SZT2: variants seen among roughly 807,000 people sequenced by gnomAD.
SZT2 encodes the protein SZT2 subunit of KICSTOR complex, also known as KICSTOR complex protein SZT2.
Under a neutral mutation model 404.2 loss-of-function variants are expected in SZT2, and 216 were observed. That is an observed-to-expected ratio of 0.53 (90% CI 0.48 to 0.60). SZT2 has a LOEUF of 0.60. SZT2 is among the 20% of genes least tolerant of loss of function. The pLI is 0.00. For missense variants in SZT2, 3,857 were observed against 4,459.2 expected (o/e 0.86, Z 3.85); for synonymous variants, 1,693 against 1,749.9 (o/e 0.97, Z 0.81).
At chr1:43,438,460 A>C (rs912281694) in intron 46 of SZT2, among the ~76,000 whole-genome samples, 1 of 152,216 alleles carries the variant, frequency 6.6e-6, no homozygotes, top group Non-Finnish European at 1.5e-5. Flanking sequence ...CGATGCTATT[A>C]TAATTCTCAT....
chr1:43,419,811 A>G lies in SZT2; in HGVS notation c.957A>G (p.Ala319=). 1.3e-6 allele frequency: 2 copies of G among 1,598,438 alleles called. No individual in the cohort carries two copies. The highest frequency in any genetic ancestry group is 1.7e-6 in the Non-Finnish European group (2 of 1,179,804). ...NVELMKFIAM[A]TFGSYLSTCP... is the part of the protein sequence containing the mutation. ...AATTAATGAAGTTCATCGCAATGGC[A>G]ACATTTGGGTCCTACCTGTCCACTT... is the stretch of plus-strand genomic sequence containing the variant. The change falls in exon 8 of 72, where the codon GCA becomes GCG. Residue 319 remains alanine, a synonymous_variant. Transcript: ENST00000634258.
At position 43,427,999 on chromosome 1, in the gene SZT2, C is replaced by G. The variant is rs371920743; in HGVS notation, c.3804-4C>G. On this transcript the variant is annotated splice_polypyrimidine_tract_variant and splice_region_variant and intron_variant, in intron 26 of 71. Coordinates refer to ENST00000634258, the MANE Select transcript of SZT2 (RefSeq NM_001365999.1). ...TCAAGTTCCATTTTCCCTTCGTTTCCTAGGACTCAGTTCCTCGACCACCCC... is the reference window on the plus strand; with the variant it reads ...TCAAGTTCCATTTTCCCTTCGTTTCGTAGGACTCAGTTCCTCGACCACCCC... 2 of 1,612,918 alleles carry G rather than the reference C, an allele frequency of 1.2e-6. No individual in the cohort carries two copies. The highest frequency in any genetic ancestry group is 2.7e-5 in the African/African-American group (2 of 74,866).
At chr1:43,402,547 CAT>C (rs1383473618) in intron 1 of SZT2, among the ~76,000 whole-genome samples, 2 of 152,104 alleles carry the variant, frequency 1.3e-5, no homozygotes, top group Non-Finnish European at 2.9e-5. Flanking sequence ...TTTGACAGGA[CAT>C]GTGTAGTGGA....
chr1:43,422,229 G>A lies in SZT2; in HGVS notation c.1769+4G>A. On this transcript the variant is annotated splice_donor_region_variant and intron_variant, in intron 12 of 71. Transcript: ENST00000634258. Reference sequence around the variant, plus strand: ...TGCTAATCCTGGAGCATGACACGTGGGTGCCCTTAGGGCTGGGCCATAGTT... The same window carrying A: ...TGCTAATCCTGGAGCATGACACGTGAGTGCCCTTAGGGCTGGGCCATAGTT... The A allele has an allele frequency of 6.3e-7, 1 of 1,577,914 alleles. No homozygotes were observed. The highest frequency in any genetic ancestry group is 1.1e-5 in the South Asian group (1 of 89,498).
At chr1:43,399,768 G>A (rs551724792) in intron 1 of SZT2, among the ~76,000 whole-genome samples, 5 of 151,652 alleles carry the variant, frequency 3.3e-5, no homozygotes, top group Non-Finnish European at 5.9e-5. Context: ...GCCACCAGAG[G>A]GAATTTTTTT....
In SZT2 at chr1:43,430,522, A is replaced by C; in HGVS notation, c.4507A>C (p.Thr1503Pro). 1.2e-6 allele frequency: 2 copies of C among 1,614,200 alleles called. No individual in the cohort carries two copies. The highest frequency in any genetic ancestry group is 1.7e-6 in the Non-Finnish European group (2 of 1,180,016). The change falls in exon 32 of 72, where the codon ACT (threonine) becomes CCT (proline). Residue 1503 changes from threonine (T) to proline (P), a missense_variant. This residue lies in a region of SZT2 where 1,725 missense variants were observed against 1,881.0 expected (regional missense o/e 0.92). Transcript: ENST00000634258. ...AGACACATCTGCCTGCTGTGTGGTC[A>C]CTGAGAGTGACCCAGAGCTAGAGGT... ...EGDTSACCVV[T>P]ESDPELEVEY...
intron 40 of SZT2, 42 bp downstream of exon 40, chr1:43,433,232 CCTCTT>C: frequency 1.9e-6 from 3 of 1,593,378 alleles, no homozygotes; most frequent in Non-Finnish European, 2.6e-6. Context: ...CTCCCATTAA[CCTCTT>C]CTCTCTGCTC....
rs1424706612 is a variant in SZT2, at chr1:43,424,476, G to A, written c.2471+44G>A. ...CCAGGTCACTCGGGGCAAGGAGAGAGCAAGTGTAGACTGGGACACTAGCAA... is the reference window on the plus strand; with the variant it reads ...CCAGGTCACTCGGGGCAAGGAGAGAACAAGTGTAGACTGGGACACTAGCAA... On this transcript the variant is annotated intron_variant, in intron 16 of 71. Coordinates refer to ENST00000634258, the MANE Select transcript of SZT2 (RefSeq NM_001365999.1). The surrounding 1 kb of genome is among the most constrained non-coding windows in gnomAD (Gnocchi z 4.1). 6.3e-7 allele frequency: 1 copy of A among 1,580,636 alleles called. No homozygotes were observed. The highest frequency in any genetic ancestry group is 8.6e-7 in the Non-Finnish European group (1 of 1,165,930).
Position 43,443,622 on chromosome 1 carries a change from C to G in SZT2, c.8651C>G (p.Ser2884Cys). 6.2e-7 allele frequency: 1 copy of G among 1,614,218 alleles called. No individual in the cohort carries two copies. Among genetic ancestry groups the G allele is most frequent in the Non-Finnish European group, 8.5e-7 (1 of 1,180,044 alleles). ...GQRRHRPESGSGSREAPTSCE... is the reference protein window; with the variant it reads ...GQRRHRPESGCGSREAPTSCE... ...CGGCGCCATCGCCCTGAGTCAGGGT[C>G]TGGGAGCCGAGAGGCCCCCACAAGC... Residue 2884 changes from serine to cysteine, a missense_variant, in exon 62 of 72, where the codon TCT becomes TGT. By Grantham distance (112) the Ser-to-Cys change is moderately radical (BLOSUM62 -1). Around this residue, in one of 7 missense-constraint regions of SZT2, gnomAD observed 717 missense variants for 868.2 expected, o/e 0.83. Coordinates refer to ENST00000634258, the MANE Select transcript of SZT2 (RefSeq NM_001365999.1).
chr1:43,439,531 C>T lies in SZT2; in HGVS notation c.6878-74C>T, dbSNP rs548880251. On this transcript the variant is annotated intron_variant, in intron 49 of 71. Transcript: ENST00000634258. The surrounding 1 kb of genome is among the most constrained non-coding windows in gnomAD (Gnocchi z 4.2). ...GCTAAGAGGACATTTCCCAGGCTTGCAGCTGAGTGGAGGGTCGTGGGAGGG... is the reference window on the plus strand; with the variant it reads ...GCTAAGAGGACATTTCCCAGGCTTGTAGCTGAGTGGAGGGTCGTGGGAGGG... 165 of 1,603,308 alleles carry T rather than the reference C, an allele frequency of 1.0e-4. No homozygotes were observed. The African/African-American group carries it at 2.1e-3, about 20-fold the overall frequency.
In SZT2 at chr1:43,408,084, G is replaced by A. The variant is rs140474301; in HGVS notation, c.498+3534G>A. Among the ~76,000 whole-genome samples the A allele has an allele frequency of 8.2e-3, 1,240 of 151,906 alleles. 19 individuals carry two copies. The highest frequency in any genetic ancestry group is 0.027 in the African/African-American group (1,125 of 41,440). ...CCTGACCTTGTGATCTGCCCGCCTC[G>A]GCCTCCCAAAGTGCTGGGATTACAG... is the stretch of plus-strand genomic sequence containing the variant. On this transcript the variant is annotated intron_variant, in intron 4 of 71. Coordinates refer to ENST00000634258, the MANE Select transcript of SZT2 (RefSeq NM_001365999.1).
At chr1:43,430,427 T>C in intron 31 of SZT2, 38 bp downstream of exon 31, 1 of 1,603,138 alleles carries the variant, frequency 6.2e-7, no homozygotes, top group Non-Finnish European at 8.5e-7. Context: ...GAAGGCTGGC[T>C]GCTTCACGCC....
chr1:43,436,382 G>A (rs1654460512), intron 42 of SZT2: 1 of 152,206 alleles, frequency 6.6e-6, no homozygotes, highest in African/African-American at 2.4e-5. Flanking sequence ...GCTAGGACAG[G>A]TGAACAATTT....
chr1:43,427,083 CCT>C lies in SZT2; in HGVS notation c.3341_3342del (p.Leu1114HisfsTer51). 6.2e-7 allele frequency: 1 copy of C among 1,613,790 alleles called. No homozygotes were observed. The highest frequency in any genetic ancestry group is 8.5e-7 in the Non-Finnish European group (1 of 1,179,902). ...TGTAGGTCTTCCTGAAACTCTCAAG[CCT>C]CTCATCTCTGCCCAGCCCCCTCAGT... ...LSVGLPETLK[P>X]LISAQPPQWR... On this transcript the variant is annotated frameshift_variant, in exon 24 of 72. Transcript: ENST00000634258. LOFTEE classifies it high-confidence loss of function.
In SZT2 at chr1:43,413,507, T is replaced by C. The variant is rs1303359407; in HGVS notation, c.499-1575T>C. 2.6e-5 allele frequency among the ~76,000 whole-genome samples: 4 copies of C among 152,304 alleles called. No homozygotes were observed. In the East Asian group the frequency reaches 7.7e-4, roughly 29 times the overall value. The stretch of plus-strand genomic sequence containing the variant: ...TGGAAGAGATATCTGCACTCCCATG[T>C]TTATTACAGCACTATTCACAATAGA... On this transcript the variant is annotated intron_variant, in intron 4 of 71. Coordinates refer to ENST00000634258, the MANE Select transcript of SZT2 (RefSeq NM_001365999.1).
chr1:43,446,557 G>A lies in SZT2; in HGVS notation c.9072+141G>A. 3 of 984,726 alleles carry A rather than the reference G, an allele frequency of 3.0e-6. No individual in the cohort carries two copies. The South Asian group carries it at 4.5e-5, about 15-fold the overall frequency. 61.0% of individuals were successfully genotyped at this position (984,726 alleles called of 1,614,324 possible). A position where few individuals can be genotyped will look rare whatever the true frequency, so the allele number is the denominator to read the frequency against. On this transcript the variant is annotated intron_variant, in intron 65 of 71. Transcript: ENST00000634258. ...TTGATTCACTGCTATGGCCTGGCTA[G>A]GTCAGTGCTCATTCTGGTGCCATGA...
chr1:43,446,860 A>C, intron 65 of SZT2, 95 bp from the exon 66 acceptor site: 1 of 1,332,444 alleles, frequency 7.5e-7, no homozygotes, highest in South Asian at 1.3e-5. Context: ...GCAGCAGGGG[A>C]AATCTTGTGC....
chr1:43,442,131 G>T lies in SZT2; in HGVS notation c.7873+1G>T, dbSNP rs1340400889. On this transcript the variant is annotated splice_donor_variant, in intron 56 of 71. Coordinates refer to ENST00000634258, the MANE Select transcript of SZT2 (RefSeq NM_001365999.1). LOFTEE classifies it high-confidence loss of function. This position sits in a 1 kb window ranked among gnomAD's most constrained non-coding sequence, Gnocchi z 4.5. ...CAGTGGAGGAGACCAACACAGCAGG[G>T]TGAGGGCATGGCCCGGGGGGGCGGG... 16 of 1,611,276 alleles carry T rather than the reference G, an allele frequency of 9.9e-6. No individual in the cohort carries two copies. The highest frequency in any genetic ancestry group is 1.1e-5 in the Non-Finnish European group (13 of 1,178,206).
chr1:43,436,103 C>T (rs1207995227), intron 42 of SZT2: 2 of 152,212 alleles, frequency 1.3e-5, no homozygotes, highest in East Asian at 3.9e-4. Flanking sequence ...ACACTTCTCC[C>T]TTCTCTTACT....
Sources: allele counts gnomAD v4.1 joint callset (sites outside exome capture counted in the v4.1 genomes callset), GRCh38; gene constraint gnomAD v4.1.1; regional missense constraint gnomAD v4.1.1; non-coding constraint Gnocchi (gnomAD v3.1); transcripts MANE v1.5; gene names NCBI Gene and HGNC (gene_info 2026-07-23, HGNC 2026-07-21).